Variants in UBE3C observed in about 807,000 individuals in gnomAD.
The protein encoded by UBE3C is ubiquitin-protein ligase E3C.
A neutral mutation model predicts 129.4 loss-of-function variants in UBE3C; 42 were observed. The ratio of observed to expected loss-of-function variants is 0.32; its 90% confidence interval spans 0.25 to 0.42. The LOEUF is 0.42. Among genes scored for constraint, UBE3C ranks in the 10% least tolerant of loss-of-function variants. The pLI is 1.00. For synonymous variants in UBE3C, 510 were observed against 492.4 expected, an observed-to-expected ratio of 1.04 and a Z score of -0.47; for missense variants, 1,049 against 1,319.1, an observed-to-expected ratio of 0.80 and a Z score of 3.17.
At chr7:157,174,261 C>G (rs1201645451) in intron 4 of UBE3C, among the ~76,000 whole-genome samples, 3 of 152,232 alleles carry the variant, frequency 2.0e-5, no homozygotes, top group South Asian at 2.1e-4. Context: ...ACTTGGGAGG[C>G]TAAGGCATGA....
intron 10 of UBE3C, among the ~76,000 whole-genome samples, chr7:157,191,202 TAAAC>T (rs1366582666): frequency 3.3e-5 from 5 of 152,266 alleles, no homozygotes; most frequent in Admixed American, 6.5e-5. Flanking sequence ...GTGATTTAGA[TAAAC>T]AGCGGTGCGC....
At position 157,186,869 on chromosome 7, in the gene UBE3C, G is replaced by A. The variant is rs780899989; in HGVS notation, c.1179G>A (p.Glu393=). The A allele has an allele frequency of 6.2e-7, 1 of 1,614,202 alleles. No homozygotes were observed. Among genetic ancestry groups the A allele is most frequent in the Admixed American group, 1.7e-5 (1 of 60,026 alleles). ...GACTGTCAGTATCATACATAACAGA[G>A]GAATGCCTGAAGAAGCTGGACACAA... ...DGRLSVSYIT[E]ECLKKLDTKQ... is the part of the protein sequence containing the mutation. Residue 393 remains glutamate (E), a synonymous_variant, in exon 10 of 23, where the codon GAG becomes GAA. Transcript: ENST00000348165.
chr7:157,189,754 T>TC (rs11404789), intron 10 of UBE3C, among the ~76,000 whole-genome samples: 25,598 of 152,058 alleles, frequency 0.17, 2,425 homozygotes, highest in East Asian at 0.35. Context: ...GGTTCTTTTT[T>TC]CTCCTCTTTC....
At chr7:157,172,603 G>A (rs3802129) in intron 4 of UBE3C, among the ~76,000 whole-genome samples, 72,845 of 152,050 alleles carry the variant, frequency 0.48, 20,218 homozygotes, top group African/African-American at 0.78. Flanking sequence ...GTGCAGAGAA[G>A]GAACTGAGAG....
intron 12 of UBE3C, 37 bp downstream of exon 12, chr7:157,207,592 T>G (rs547926027): frequency 1.2e-6 from 2 of 1,601,776 alleles, no homozygotes; most frequent in South Asian, 2.3e-5. Flanking sequence ...TGCTGGCCAC[T>G]TGGCCCATCA....
chr7:157,215,861 T>C (rs1434128814), intron 13 of UBE3C, among the ~76,000 whole-genome samples: 3 of 152,226 alleles, frequency 2.0e-5, no homozygotes, highest in Non-Finnish European at 2.9e-5. Flanking sequence ...TTATATCTCT[T>C]TAATCATGTA....
chr7:157,157,399 A>G (rs1157402547), intron 1 of UBE3C, among the ~76,000 whole-genome samples: 1 of 152,226 alleles, frequency 6.6e-6, no homozygotes, highest in Non-Finnish European at 1.5e-5. Flanking sequence ...ACAAGATGAA[A>G]AGATAATCAA....
chr7:157,180,714 C>T (rs554713078), intron 6 of UBE3C, among the ~76,000 whole-genome samples: 18 of 152,272 alleles, frequency 1.2e-4, no homozygotes, highest in African/African-American at 4.3e-4. Flanking sequence ...TTCACTGCCT[C>T]CCACCCAGAG....
intron 4 of UBE3C, among the ~76,000 whole-genome samples, chr7:157,172,092 G>A (rs1182009582): frequency 6.6e-6 from 1 of 151,356 alleles, no homozygotes; most frequent in Non-Finnish European, 1.5e-5. Context: ...GAGTGTAGTG[G>A]TGCGATCTCA....
rs1441936444 is a variant in UBE3C at position 157,192,836 on chromosome 7, C to T, written c.1331+5815C>T. 19 of 1,082,630 alleles carry T rather than the reference C, an allele frequency of 1.8e-5. No homozygotes were observed. The East Asian group carries it at 2.1e-4, about 12-fold the overall frequency. 67.1% of individuals were successfully genotyped at this position (1,082,630 alleles called of 1,614,324 possible). ...CAACAAACCAGAAGACAAGTAACTG[C>T]GTATGAGTTAATAAAAGACATGAAC... On this transcript the variant is annotated intron_variant, in intron 10 of 22. Coordinates refer to ENST00000348165, the MANE Select transcript of UBE3C (RefSeq NM_014671.3).
intron 21 of UBE3C, among the ~76,000 whole-genome samples, chr7:157,254,927 C>T (rs554833099): frequency 3.4e-5 from 3 of 88,818 alleles, no homozygotes; most frequent in Admixed American, 1.2e-4. Context: ...AGCGTGGTGG[C>T]GTACACCTGC....
At position 157,140,048 on chromosome 7, in the gene UBE3C, C is replaced by G. The variant is rs149168946; in HGVS notation, c.66+710C>G. On this transcript the variant is annotated intron_variant, in intron 1 of 22. Coordinates refer to ENST00000348165, the MANE Select transcript of UBE3C (RefSeq NM_014671.3). ...TTGTTTAGGATAAGGGTAGGCAAAC[C>G]ATGACGCCTCTGTTCTAGTCTAGAA... 2,066 of 985,112 alleles carry G rather than the reference C, an allele frequency of 2.1e-3. 39 individuals carry two copies. In the African/African-American group the frequency reaches 0.034, roughly 16 times the overall value. 61.0% of individuals were successfully genotyped at this position (985,112 alleles called of 1,614,324 possible).
At chr7:157,207,610 T>C (rs1809469588) in intron 12 of UBE3C, 55 bp downstream of exon 12, 1 of 1,592,292 alleles carries the variant, frequency 6.3e-7, no homozygotes, top group South Asian at 1.2e-5. Flanking sequence ...TCAGTTTTCA[T>C]AGACAGTAGA....
intron 9 of UBE3C, among the ~76,000 whole-genome samples, chr7:157,184,710 G>A (rs1450942459): frequency 7.2e-5 from 11 of 152,204 alleles, no homozygotes; most frequent in Admixed American, 7.2e-4. Flanking sequence ...GCTTCCAGGT[G>A]AAGTAAATTT....
intron 1 of UBE3C, among the ~76,000 whole-genome samples, chr7:157,146,948 A>G (rs1329616253): frequency 2.6e-5 from 4 of 152,156 alleles, no homozygotes; most frequent in Non-Finnish European, 4.4e-5. Context: ...ACCGCGCCCA[A>G]CCATAGTAAG....
chr7:157,267,617 A>G lies in UBE3C; in HGVS notation c.3114A>G (p.Gly1038=). The stretch of plus-strand genomic sequence containing the variant: ...ATCCCGCATTTTGTATTCACAACGG[A>G]GGCTCCGACCTTGAGCGGCTCCCCA... The part of the protein sequence containing the change: ...ELYPAFCIHN[G]GSDLERLPTA... The change falls in exon 23 of 23, where the codon GGA becomes GGG. Residue 1038 remains glycine (G), a synonymous_variant. Transcript: ENST00000348165. 2 of 1,613,372 alleles carry G rather than the reference A, an allele frequency of 1.2e-6. No individual in the cohort carries two copies. Among genetic ancestry groups the G allele is most frequent in the Non-Finnish European group, 1.7e-6 (2 of 1,179,796 alleles).
At chr7:157,249,899 A>G (rs1048604592) in intron 19 of UBE3C, among the ~76,000 whole-genome samples, 1 of 152,220 alleles carries the variant, frequency 6.6e-6, no homozygotes, top group Admixed American at 6.5e-5. Flanking sequence ...CCAAAATCCA[A>G]AACTTTCTGA....
intron 22 of UBE3C, among the ~76,000 whole-genome samples, chr7:157,259,354 G>T (rs554476826): frequency 2.4e-4 from 36 of 152,310 alleles, no homozygotes; most frequent in Non-Finnish European, 4.6e-4. Flanking sequence ...TTCAAGGGGT[G>T]CAGGCAAGTT....
chr7:157,237,313 C>T (rs991139851), intron 18 of UBE3C, among the ~76,000 whole-genome samples: 2 of 151,752 alleles, frequency 1.3e-5, no homozygotes, highest in African/African-American at 2.4e-5. Flanking sequence ...TGGTGGCGGG[C>T]GCCTGTAGTC....
Sources: gnomAD v4.1 joint callset for allele counts (sites outside exome capture counted in the v4.1 genomes callset) on GRCh38, gnomAD v4.1.1 for gene constraint, MANE v1.5 for transcripts, NCBI Gene and HGNC (gene_info 2026-07-23, HGNC 2026-07-21) for gene names.